GSG1L: variants seen among roughly 807,000 people sequenced by gnomAD.
The protein encoded by GSG1L is germ cell-specific gene 1-like protein.
A neutral mutation model predicts 42.1 loss-of-function variants in GSG1L; 24 were observed. The ratio of observed to expected loss-of-function variants is 0.57; its 90% confidence interval spans 0.41 to 0.80. The LOEUF is 0.80. Ranked by LOEUF, GSG1L falls within the 30% of genes least tolerant of loss-of-function variation. GSG1L has a pLI of 0.00. For missense variants in GSG1L, 445 were observed against 472.2 expected (o/e 0.94, Z 0.53); for synonymous variants, 215 against 203.5 (o/e 1.06, Z -0.48).
intron 3 of GSG1L, among the ~76,000 whole-genome samples, chr16:27,881,238 C>CT (rs149874320): frequency 0.069 from 7,401 of 106,946 alleles, 599 homozygotes; most frequent in Middle Eastern, 0.12. Context: ...AAGTATCATA[C>CT]TTTTTTTTTT....
intron 2 of GSG1L, among the ~76,000 whole-genome samples, chr16:27,905,970 C>T (rs1340699823): frequency 6.6e-6 from 1 of 152,114 alleles, no homozygotes. Flanking sequence ...GGTTTATTCT[C>T]TCATCTGGGA....
At chr16:27,877,391 A>G (rs752506251) in intron 3 of GSG1L, among the ~76,000 whole-genome samples, 2 of 152,218 alleles carry the variant, frequency 1.3e-5, no homozygotes, top group Non-Finnish European at 2.9e-5. Context: ...CAGTAATGGT[A>G]TAAAGACAAA....
intron 1 of GSG1L, among the ~76,000 whole-genome samples, chr16:28,038,942 G>A (rs2086073028): frequency 6.6e-6 from 1 of 152,190 alleles, no homozygotes; most frequent in African/African-American, 2.4e-5. Context: ...GATCCACAGA[G>A]AGCAATTCAG....
rs143724512 is a variant in GSG1L at position 27,874,881 on chromosome 16, G to T, written c.550+9605C>A. Among the ~76,000 whole-genome samples the T allele has an allele frequency of 3.0e-3, 460 of 152,286 alleles. 1 individual carries two copies. Among genetic ancestry groups the T allele is most frequent in the African/African-American group, 0.011 (451 of 41,558 alleles). On this transcript the variant is annotated intron_variant, in intron 3 of 6. Transcript: ENST00000447459. ...TTGGTCAGAAGTGACAGTGGCCTGGGGACCCCTGAACTTGCAGCTGGCATC... is the reference window on the plus strand; with the variant it reads ...TTGGTCAGAAGTGACAGTGGCCTGGTGACCCCTGAACTTGCAGCTGGCATC...
At chr16:27,998,856 C>A (rs1230231094) in intron 1 of GSG1L, among the ~76,000 whole-genome samples, 2 of 151,888 alleles carry the variant, frequency 1.3e-5, no homozygotes, top group African/African-American at 4.8e-5. Flanking sequence ...AGTCCCTCCA[C>A]CTGAAATGCT....
chr16:28,053,670 C>T (rs2086244820), intron 1 of GSG1L, among the ~76,000 whole-genome samples: 2 of 151,976 alleles, frequency 1.3e-5, no homozygotes, highest in Admixed American at 6.6e-5. Flanking sequence ...CCTCGCTCGC[C>T]TCTCTCCTCT....
chr16:27,836,789 GA>G (rs1413125587), intron 4 of GSG1L, among the ~76,000 whole-genome samples: 2 of 152,084 alleles, frequency 1.3e-5, no homozygotes, highest in Non-Finnish European at 2.9e-5. Flanking sequence ...TTTTTATGAT[GA>G]TTTTTAACAT....
chr16:27,964,572 T>C (rs958409549), intron 1 of GSG1L, among the ~76,000 whole-genome samples: 3 of 152,306 alleles, frequency 2.0e-5, no homozygotes, highest in Non-Finnish European at 4.4e-5. Flanking sequence ...ATATACACAA[T>C]GAAGTACTCT....
At chr16:28,043,548 A>G (rs2086132462) in intron 1 of GSG1L, among the ~76,000 whole-genome samples, 1 of 152,232 alleles carries the variant, frequency 6.6e-6, no homozygotes, top group Non-Finnish European at 1.5e-5. Context: ...GAAGATGGGT[A>G]GCCTGCATGG....
intron 2 of GSG1L, among the ~76,000 whole-genome samples, chr16:27,927,991 G>T (rs2084614685): frequency 1.3e-5 from 2 of 152,110 alleles, no homozygotes; most frequent in African/African-American, 4.8e-5. Flanking sequence ...TTTCCTCATT[G>T]CTTAAGTCAT....
In GSG1L at chr16:27,888,539, CTTTCTTTCTTTCTTTCTTTCT is replaced by C; in HGVS notation, c.398-3922_398-3902del. 1.8e-4 allele frequency among the ~76,000 whole-genome samples: 5 copies of C among 28,506 alleles called. 1 individual carries two copies. In the Admixed American group the frequency reaches 2.0e-3, roughly 11 times the overall value. 18.7% of individuals were successfully genotyped at this position (28,506 alleles called of 152,430 possible). A position where few individuals can be genotyped will look rare whatever the true frequency, so the allele number is the denominator to read the frequency against. ...TCTTTCTTTCTTTCTTTCTTTCTTT[CTTTCTTTCTTTCTTTCTTTCT>C]TTCTTTCTTTCTTTCTTTCTTTCTC... On this transcript the variant is annotated intron_variant, in intron 2 of 6. Transcript: ENST00000447459.
intron 2 of GSG1L, among the ~76,000 whole-genome samples, chr16:27,943,258 T>C (rs966161300): frequency 2.0e-5 from 3 of 152,084 alleles, no homozygotes; most frequent in African/African-American, 7.2e-5. Context: ...GTGATGCTGA[T>C]TCCACCAGTT....
intron 3 of GSG1L, among the ~76,000 whole-genome samples, chr16:27,880,977 T>G (rs2083946153): frequency 6.6e-6 from 1 of 151,680 alleles, no homozygotes; most frequent in South Asian, 2.1e-4. Context: ...ACTTCTTCCC[T>G]ATCTTGGTTA....
chr16:27,894,957 A>G (rs945731394), intron 2 of GSG1L, among the ~76,000 whole-genome samples: 1 of 152,116 alleles, frequency 6.6e-6, no homozygotes, highest in Non-Finnish European at 1.5e-5. Flanking sequence ...GGAAGAGAGA[A>G]CTACAGTGAG....
At chr16:28,034,516 C>G (rs1259430493) in intron 1 of GSG1L, among the ~76,000 whole-genome samples, 1 of 152,188 alleles carries the variant, frequency 6.6e-6, no homozygotes, top group Non-Finnish European at 1.5e-5. Context: ...TTCAGTATCT[C>G]TCTCAACTTC....
chr16:28,056,076 A>G (rs574736419), intron 1 of GSG1L, among the ~76,000 whole-genome samples: 4 of 152,174 alleles, frequency 2.6e-5, no homozygotes, highest in African/African-American at 9.7e-5. Flanking sequence ...TGCCCACAGA[A>G]GCCCTGAGAA....
At chr16:27,887,449 C>T (rs2084044033) in intron 2 of GSG1L, among the ~76,000 whole-genome samples, 1 of 152,158 alleles carries the variant, frequency 6.6e-6, no homozygotes. Flanking sequence ...GGCTGCCGGT[C>T]CTTTGTTCTT....
At chr16:28,016,962 G>A (rs527876943) in intron 1 of GSG1L, among the ~76,000 whole-genome samples, 1 of 152,190 alleles carries the variant, frequency 6.6e-6, no homozygotes, top group Non-Finnish European at 1.5e-5. Flanking sequence ...TCTTGCCTCC[G>A]CCTTTAGGGT....
chr16:27,940,056 A>T (rs2084769820), intron 2 of GSG1L, among the ~76,000 whole-genome samples: 1 of 152,198 alleles, frequency 6.6e-6, no homozygotes. Flanking sequence ...ACGAACAGAC[A>T]CTTCTCAAAA....
Sources: allele counts gnomAD v4.1 joint callset (sites outside exome capture counted in the v4.1 genomes callset), GRCh38; gene constraint gnomAD v4.1.1; transcripts MANE v1.5; gene names NCBI Gene and HGNC (gene_info 2026-07-23, HGNC 2026-07-21).